The following PCDHA11 variants were observed in gnomAD, a reference collection of about 807,000 sequenced individuals.
The protein encoded by PCDHA11 is protocadherin alpha-11.
PCDHA11 carries 61 observed loss-of-function variants against 70.3 expected under a neutral mutation model. That is an observed-to-expected ratio of 0.87 (90% CI 0.71 to 1.07). The LOEUF is 1.07. PCDHA11 is among the 50% of genes least tolerant of loss of function. The pLI is 0.00. For missense variants in PCDHA11, 1,324 were observed against 1,237.5 expected (o/e 1.07, Z -1.05); for synonymous variants, 633 against 555.1 (o/e 1.14, Z -1.97).
intron 1 of PCDHA11, among the ~76,000 whole-genome samples, chr5:140,977,637 T>C (rs1440093548): frequency 6.6e-6 from 1 of 152,228 alleles, no homozygotes; most frequent in Non-Finnish European, 1.5e-5. Flanking sequence ...TAACTTTTTC[T>C]GGGCCTTGAC....
intron 1 of PCDHA11, among the ~76,000 whole-genome samples, chr5:140,925,841 C>CT (rs1451775258): frequency 1.3e-5 from 2 of 152,066 alleles, no homozygotes; most frequent in African/African-American, 4.8e-5. Flanking sequence ...GTCGTCAAGT[C>CT]TTTGAGTTTC....
At chr5:141,003,424 G>A (rs1431935325) in intron 3 of PCDHA11, among the ~76,000 whole-genome samples, 1 of 152,122 alleles carries the variant, frequency 6.6e-6, no homozygotes, top group Non-Finnish European at 1.5e-5. Context: ...TGATTCTTAT[G>A]CCTCAGCCTC....
chr5:140,914,915 T>G (rs1037949691), intron 1 of PCDHA11, among the ~76,000 whole-genome samples: 8 of 151,746 alleles, frequency 5.3e-5, no homozygotes, highest in Non-Finnish European at 1.0e-4. Context: ...TTTCTCTGTG[T>G]CTTATTGTAC....
Position 141,010,424 on chromosome 5 carries a change from C to A in PCDHA11, c.*487C>A. ...CTTAGACTAATTGGTACAAGGAAGGCAAGAAAACAAAGACAAATAAACAGC... is the reference window on the plus strand; with the variant it reads ...CTTAGACTAATTGGTACAAGGAAGGAAAGAAAACAAAGACAAATAAACAGC... On this transcript the variant is annotated 3_prime_UTR_variant, in exon 4 of 4. Transcript: ENST00000398640. The A allele has an allele frequency of 9.0e-7, 1 of 1,113,698 alleles. No homozygotes were observed. The highest frequency in any genetic ancestry group is 1.2e-6 in the Non-Finnish European group (1 of 808,116). 69.0% of individuals were successfully genotyped at this position (1,113,698 alleles called of 1,614,324 possible). A position where few individuals can be genotyped will look rare whatever the true frequency, so the allele number is the denominator to read the frequency against.
chr5:140,929,736 T>A, intron 1 of PCDHA11: 1 of 201,874 alleles, frequency 5.0e-6, no homozygotes, highest in Non-Finnish European at 1.1e-5. Context: ...CTTAAACTAT[T>A]GCAATGCATT....
intron 1 of PCDHA11, among the ~76,000 whole-genome samples, chr5:140,962,596 T>C (rs2095694957): frequency 6.6e-6 from 1 of 152,218 alleles, no homozygotes; most frequent in South Asian, 2.1e-4. Flanking sequence ...TTGACTGATA[T>C]ATTTCTTCTG....
At chr5:140,930,712 A>T (rs1584689351) in intron 1 of PCDHA11, among the ~76,000 whole-genome samples, 1 of 152,234 alleles carries the variant, frequency 6.6e-6, no homozygotes, top group Non-Finnish European at 1.5e-5. Flanking sequence ...ATTCTTCCTC[A>T]AGTAATGATG....
chr5:140,942,540 G>C lies in PCDHA11; in HGVS notation c.2392-36409G>C, dbSNP rs1013086382. Among the ~76,000 whole-genome samples the C allele has an allele frequency of 8.5e-5, 13 of 152,164 alleles. No homozygotes were observed. In the South Asian group the frequency reaches 1.5e-3, roughly 17 times the overall value. ...GGGGAAGCAACTAACTCAGTATGGT[G>C]GGGGGTAGGGGGTTGAGGCAGAAAA... On this transcript the variant is annotated intron_variant, in intron 1 of 3. Transcript: ENST00000398640.
rs782065777 is a variant in PCDHA11, at chr5:140,876,365, A to G, written c.2391+4871A>G. Reference sequence around the variant, plus strand: ...AAATGTATGTTTTCAATAAATCCAGACACAGGTGAAATTAGAATTTATGGT... The same window carrying G: ...AAATGTATGTTTTCAATAAATCCAGGCACAGGTGAAATTAGAATTTATGGT... On this transcript the variant is annotated intron_variant, in intron 1 of 3. Coordinates refer to ENST00000398640, the MANE Select transcript of PCDHA11 (RefSeq NM_018902.5). 60 of 1,613,862 alleles carry G rather than the reference A, an allele frequency of 3.7e-5. 2 individuals carry two copies. In the South Asian group the frequency reaches 6.5e-4, roughly 17 times the overall value.
intron 3 of PCDHA11, among the ~76,000 whole-genome samples, chr5:140,984,768 G>A (rs569046665): frequency 7.2e-5 from 11 of 152,172 alleles, no homozygotes; most frequent in African/African-American, 2.4e-4. Flanking sequence ...CTAATCCCAA[G>A]CTTACTTGCT....
intron 1 of PCDHA11, among the ~76,000 whole-genome samples, chr5:140,937,317 G>A (rs1282380622): frequency 1.3e-5 from 2 of 152,048 alleles, no homozygotes; most frequent in Non-Finnish European, 2.9e-5. Context: ...GATTACAGGC[G>A]TGAGCCACCG....
chr5:140,989,728 A>T (rs1453115061), intron 3 of PCDHA11, among the ~76,000 whole-genome samples: 6 of 152,184 alleles, frequency 3.9e-5, no homozygotes, highest in Admixed American at 3.9e-4. Flanking sequence ...TTGCAGTTGA[A>T]AAGGCCATTG....
At chr5:140,984,547 C>T (rs1554246370) in intron 3 of PCDHA11, among the ~76,000 whole-genome samples, 2 of 152,118 alleles carry the variant, frequency 1.3e-5, no homozygotes, top group Non-Finnish European at 2.9e-5. Context: ...CTGGATAGAG[C>T]TTACATCTTC....
intron 1 of PCDHA11, among the ~76,000 whole-genome samples, chr5:140,933,534 ATAATGT>A (rs1401849089): frequency 6.6e-6 from 1 of 152,102 alleles, no homozygotes; most frequent in Non-Finnish European, 1.5e-5. Context: ...TAAACTCAAA[ATAATGT>A]TAATATAAAA....
chr5:140,881,494 A>G (rs1483226847), intron 1 of PCDHA11: 1 of 293,548 alleles, frequency 3.4e-6, no homozygotes, highest in African/African-American at 2.3e-5. Flanking sequence ...GTTTATGCAC[A>G]TACACACACT....
chr5:140,966,702 G>T, intron 1 of PCDHA11: 1 of 1,367,880 alleles, frequency 7.3e-7, no homozygotes. Flanking sequence ...GCCCGGGCGT[G>T]GGGCACGGCT....
intron 1 of PCDHA11, among the ~76,000 whole-genome samples, chr5:140,923,950 C>A (rs544576500): frequency 6.6e-6 from 1 of 152,148 alleles, no homozygotes; most frequent in Non-Finnish European, 1.5e-5. Context: ...TTTTTCCTCA[C>A]GCCCTAATCT....
intron 1 of PCDHA11, chr5:140,876,257 T>A (rs781806447): frequency 6.2e-7 from 1 of 1,614,000 alleles, no homozygotes; most frequent in Non-Finnish European, 8.5e-7. Context: ...ACAAGAGTGA[T>A]CCAACTAAAT....
At chr5:140,924,944 TAA>T (rs11334471) in intron 1 of PCDHA11, among the ~76,000 whole-genome samples, 87 of 142,948 alleles carry the variant, frequency 6.1e-4, no homozygotes, top group African/African-American at 2.0e-3. Flanking sequence ...AATAAAAAGT[TAA>T]AAAAAAAATG....
Sources: allele counts gnomAD v4.1 joint callset (sites outside exome capture counted in the v4.1 genomes callset), GRCh38; gene constraint gnomAD v4.1.1; transcripts MANE v1.5; gene names NCBI Gene and HGNC (gene_info 2026-07-23, HGNC 2026-07-21).